Variants in SHROOM3 observed in about 807,000 individuals in gnomAD.
SHROOM3 encodes protein Shroom3.
In SHROOM3, 47 loss-of-function variants were observed where a neutral mutation model predicts 138.6. The observed-to-expected ratio is 0.34, with a 90% CI of 0.27 to 0.43. SHROOM3 has a LOEUF of 0.43. SHROOM3 is among the 20% of genes least tolerant of loss of function. The pLI is 1.00. For missense variants in SHROOM3, 2,491 were observed against 2,596.5 expected (o/e 0.96, Z 0.88); for synonymous variants, 1,062 against 1,063.3 (o/e 1.00, Z 0.02).
intron 2 of SHROOM3, among the ~76,000 whole-genome samples, chr4:76,592,830 G>A (rs1015303066): frequency 6.6e-6 from 1 of 152,078 alleles, no homozygotes; most frequent in South Asian, 2.1e-4. Flanking sequence ...AGCAGGATTC[G>A]AGGTAGGGAG....
chr4:76,722,254 A>C (rs1019907213), intron 3 of SHROOM3, among the ~76,000 whole-genome samples: 2 of 152,216 alleles, frequency 1.3e-5, no homozygotes, highest in African/African-American at 4.8e-5. Context: ...ACATGGAATC[A>C]TCCTAAAGGG....
chr4:76,606,903 TACTCTG>T (rs771025388), intron 2 of SHROOM3, among the ~76,000 whole-genome samples: 22 of 152,276 alleles, frequency 1.4e-4, no homozygotes, highest in East Asian at 1.2e-3. Context: ...TGCTAAACTC[TACTCTG>T]ACTCTGACAA....
At chr4:76,681,471 A>G (rs1719189172) in intron 2 of SHROOM3, among the ~76,000 whole-genome samples, 1 of 151,680 alleles carries the variant, frequency 6.6e-6, no homozygotes, top group Non-Finnish European at 1.5e-5. Context: ...AAAAAAACTG[A>G]CCATAATTTC....
chr4:76,518,003 A>G (rs1012393706), intron 1 of SHROOM3, among the ~76,000 whole-genome samples: 3 of 152,202 alleles, frequency 2.0e-5, no homozygotes, highest in Admixed American at 2.0e-4. Flanking sequence ...AAGTTTCTAA[A>G]TCAGATTTTT....
chr4:76,475,424 A>G (rs1731466233), intron 1 of SHROOM3, among the ~76,000 whole-genome samples: 1 of 152,208 alleles, frequency 6.6e-6, no homozygotes. Context: ...TTAACCTGCC[A>G]TAGTTTCATG....
intron 2 of SHROOM3, among the ~76,000 whole-genome samples, chr4:76,584,042 C>T (rs374813569): frequency 1.3e-5 from 2 of 152,174 alleles, no homozygotes; most frequent in African/African-American, 4.8e-5. Context: ...AGGCTGGGTA[C>T]GGCGGCTCAC....
chr4:76,681,211 C>T (rs1719181755), intron 2 of SHROOM3, among the ~76,000 whole-genome samples: 1 of 152,170 alleles, frequency 6.6e-6, no homozygotes, highest in South Asian at 2.1e-4. Flanking sequence ...TTCCTCCCCT[C>T]CTCTTAGTTA....
chr4:76,442,511 G>A (rs750436952), intron 1 of SHROOM3, among the ~76,000 whole-genome samples: 5 of 148,546 alleles, frequency 3.4e-5, no homozygotes, highest in Non-Finnish European at 7.4e-5. Flanking sequence ...CCGGGTTCAC[G>A]CCATTCTCCT....
At chr4:76,735,826 C>T (rs375725606) in intron 4 of SHROOM3, among the ~76,000 whole-genome samples, 4 of 117,260 alleles carry the variant, frequency 3.4e-5, no homozygotes, top group Admixed American at 3.1e-4. Context: ...GGCGACAGAC[C>T]GAGACTCTAT....
chr4:76,708,857 A>G lies in SHROOM3; in HGVS notation c.324-1299A>G, dbSNP rs77781302. The stretch of plus-strand genomic sequence containing the variant: ...TTTACTTGACCAATTTATTCAGTTC[A>G]TTATTGACATAACCTCAACCAATTT... On this transcript the variant is annotated intron_variant, in intron 2 of 10. Coordinates refer to ENST00000296043, the MANE Select transcript of SHROOM3 (RefSeq NM_020859.4). 3.4e-3 allele frequency among the ~76,000 whole-genome samples: 520 copies of G among 152,328 alleles called. 4 individuals are homozygous for G. Among genetic ancestry groups the G allele is most frequent in the African/African-American group, 0.012 (480 of 41,574 alleles).
chr4:76,554,441 A>T (rs1300664991), intron 1 of SHROOM3, among the ~76,000 whole-genome samples: 1 of 130,656 alleles, frequency 7.7e-6, no homozygotes, highest in Non-Finnish European at 1.6e-5. Context: ...TTTTTTTGAG[A>T]CGGAGTCTCA....
intron 5 of SHROOM3, among the ~76,000 whole-genome samples, chr4:76,746,109 T>A (rs777848564): frequency 3.9e-5 from 6 of 151,948 alleles, no homozygotes; most frequent in Non-Finnish European, 1.5e-5. Flanking sequence ...GGTAGTAGAG[T>A]GAGGTTTTCA....
rs771877292 is a variant in SHROOM3 at position 76,770,869 on chromosome 4, C to A, written c.5593C>A (p.Leu1865Ile). The A allele has an allele frequency of 1.9e-6, 3 of 1,614,096 alleles. No homozygotes were observed. Among genetic ancestry groups the A allele is most frequent in the Non-Finnish European group, 1.7e-6 (2 of 1,180,044 alleles). ...LARVENVLSGLGEDASNEERS... is the reference protein window; with the variant it reads ...LARVENVLSGIGEDASNEERS... ...CCGTGTTGAGAATGTCCTTAGCGGC[C>A]TTGGTGAAGATGCCAGTAATGAAGA... Residue 1865 changes from leucine to isoleucine, a missense_variant, in exon 10 of 11, where the codon CTT becomes ATT. Leu to Ile is a conservative substitution (Grantham distance 5). Around this residue, in one of 4 missense-constraint regions of SHROOM3, gnomAD observed 470 missense variants for 595.0 expected, o/e 0.79. Coordinates refer to ENST00000296043, the MANE Select transcript of SHROOM3 (RefSeq NM_020859.4).
chr4:76,691,245 A>G (rs532552553), intron 2 of SHROOM3, among the ~76,000 whole-genome samples: 1 of 152,266 alleles, frequency 6.6e-6, no homozygotes, highest in Non-Finnish European at 1.5e-5. Context: ...TTCCCTGGAG[A>G]TTTTAAGAAT....
intron 2 of SHROOM3, among the ~76,000 whole-genome samples, chr4:76,571,615 G>C (rs778275232): frequency 9.9e-5 from 15 of 152,146 alleles, no homozygotes; most frequent in Non-Finnish European, 2.2e-4. Context: ...ATGAACACAA[G>C]CTCATCATTT....
intron 2 of SHROOM3, among the ~76,000 whole-genome samples, chr4:76,662,217 CTTG>C (rs775380011): frequency 3.3e-5 from 5 of 152,138 alleles, no homozygotes; most frequent in Non-Finnish European, 5.9e-5. Context: ...GAAGTTCCTT[CTTG>C]TTGTTGGTTG....
rs558019332 is a variant in SHROOM3, at chr4:76,469,181, A to C, written c.168+32961A>C. Reference sequence around the variant, plus strand: ...ACACCACTGCACTCCAGCCTAGGCCACAGAGTGAGACTCCATCTCAAAAAA... The same window carrying C: ...ACACCACTGCACTCCAGCCTAGGCCCCAGAGTGAGACTCCATCTCAAAAAA... On this transcript the variant is annotated intron_variant, in intron 1 of 10. Coordinates refer to ENST00000296043, the MANE Select transcript of SHROOM3 (RefSeq NM_020859.4). Among the ~76,000 whole-genome samples, 4 of 152,284 alleles carry C rather than the reference A, an allele frequency of 2.6e-5. No individual in the cohort carries two copies. The South Asian group carries it at 8.3e-4, about 32-fold the overall frequency.
In SHROOM3 at chr4:76,741,620, C is replaced by T; in HGVS notation, c.3447C>T (p.Pro1149=). The part of the protein sequence containing the change: ...LSSLREPSLQ[P]RREATLLPAT... ...CACTGCGGGAGCCCAGCCTGCAGCC[C>T]CGCAGGGAGGCCACGCTCCTGCCGG... Residue 1149 remains proline, a synonymous_variant, in exon 5 of 11, where the codon CCC becomes CCT. Coordinates refer to ENST00000296043, the MANE Select transcript of SHROOM3 (RefSeq NM_020859.4). This position sits in a 1 kb window ranked among gnomAD's most constrained non-coding sequence, Gnocchi z 6.2. The T allele has an allele frequency of 1.3e-6, 2 of 1,540,970 alleles. No homozygotes were observed. The highest frequency in any genetic ancestry group is 1.7e-6 in the Non-Finnish European group (2 of 1,148,848).
At chr4:76,546,179 G>C (rs1010377257) in intron 1 of SHROOM3, among the ~76,000 whole-genome samples, 5 of 152,168 alleles carry the variant, frequency 3.3e-5, no homozygotes, top group African/African-American at 1.2e-4. Context: ...TTTTATAGAT[G>C]AGAGACCCAT....
Sources: gnomAD v4.1 joint callset for allele counts (sites outside exome capture counted in the v4.1 genomes callset) on GRCh38, gnomAD v4.1.1 for gene constraint, gnomAD v4.1.1 regional missense constraint, Gnocchi (gnomAD v3.1) non-coding constraint, MANE v1.5 for transcripts, NCBI Gene and HGNC (gene_info 2026-07-23, HGNC 2026-07-21) for gene names.